The following GABBR2 variants were observed in gnomAD, a reference collection of about 807,000 sequenced individuals.
GABBR2 encodes the protein G-protein coupled receptor 51.
A neutral mutation model predicts 105.6 loss-of-function variants in GABBR2; 23 were observed. That is an observed-to-expected ratio of 0.22 (90% CI 0.16 to 0.31). GABBR2 has a LOEUF of 0.31. GABBR2 is among the 10% of genes least tolerant of loss of function. The pLI is 1.00. For synonymous variants in GABBR2, 478 were observed against 499.7 expected (o/e 0.96, Z 0.58); for missense variants, 734 against 1,245.5 (o/e 0.59, Z 6.18).
intron 2 of GABBR2, among the ~76,000 whole-genome samples, chr9:98,565,507 C>T (rs990361437): frequency 1.9e-4 from 29 of 152,190 alleles, no homozygotes; most frequent in African/African-American, 6.3e-4. Context: ...ACCCACTCCT[C>T]TTACACAGGG....
chr9:98,530,511 C>T (rs1296654261), intron 3 of GABBR2, among the ~76,000 whole-genome samples: 1 of 152,220 alleles, frequency 6.6e-6, no homozygotes, highest in African/African-American at 2.4e-5. Context: ...GGTGCTGTGG[C>T]TCACACCTGT....
At chr9:98,340,581 T>G (rs1831194874) in intron 13 of GABBR2, among the ~76,000 whole-genome samples, 1 of 152,176 alleles carries the variant, frequency 6.6e-6, no homozygotes, top group South Asian at 2.1e-4. Flanking sequence ...GTTTCTCTGA[T>G]AGCATCAACC....
chr9:98,422,336 G>A (rs1297822046), intron 7 of GABBR2, among the ~76,000 whole-genome samples: 1 of 152,206 alleles, frequency 6.6e-6, no homozygotes, highest in East Asian at 1.9e-4. Flanking sequence ...GGGGCCTCAG[G>A]CACTTCTGGT....
intron 8 of GABBR2, among the ~76,000 whole-genome samples, chr9:98,396,846 T>C (rs1832301015): frequency 6.6e-6 from 1 of 152,078 alleles, no homozygotes. Context: ...GTATGCACCG[T>C]CCCATGGCAC....
intron 1 of GABBR2, among the ~76,000 whole-genome samples, chr9:98,697,276 G>T (rs1389684873): frequency 6.6e-6 from 1 of 152,174 alleles, no homozygotes; most frequent in Non-Finnish European, 1.5e-5. Context: ...CAGATCACGA[G>T]GTCAGGAGAT....
At chr9:98,379,674 CATAATG>C (rs1473753889) in intron 11 of GABBR2, among the ~76,000 whole-genome samples, 1 of 152,204 alleles carries the variant, frequency 6.6e-6, no homozygotes, top group Non-Finnish European at 1.5e-5. Flanking sequence ...TTCGTTCATA[CATAATG>C]ATAACAGCTA....
chr9:98,622,364 C>G (rs1829681120), intron 1 of GABBR2, among the ~76,000 whole-genome samples: 1 of 152,080 alleles, frequency 6.6e-6, no homozygotes, highest in Non-Finnish European at 1.5e-5. Context: ...TGGGGCGTCA[C>G]CATGTTGCCC....
At chr9:98,303,184 G>T (rs868179369) in intron 16 of GABBR2, 57 bp downstream of exon 16, 4 of 1,435,292 alleles carry the variant, frequency 2.8e-6, no homozygotes, top group Non-Finnish European at 9.7e-7. Context: ...CCCCGCACAG[G>T]GTTAGAGGGG....
intron 7 of GABBR2, among the ~76,000 whole-genome samples, chr9:98,415,428 G>A (rs1310834147): frequency 1.3e-5 from 2 of 151,974 alleles, no homozygotes; most frequent in Non-Finnish European, 2.9e-5. Context: ...TGTTTTGTCT[G>A]TGCAAACGTA....
intron 4 of GABBR2, 149 bp from the exon 5 acceptor site, chr9:98,481,146 A>G (rs112816481): frequency 1.6e-6 from 1 of 639,812 alleles, no homozygotes; most frequent in East Asian, 2.8e-5. Flanking sequence ...CTCACCCCCA[A>G]CCCCAGCCCA....
At chr9:98,394,813 C>A (rs935879694) in intron 8 of GABBR2, among the ~76,000 whole-genome samples, 1 of 145,876 alleles carries the variant, frequency 6.9e-6, no homozygotes, top group Non-Finnish European at 1.5e-5. Context: ...CAAGGACTGA[C>A]CAGTGCACTT....
chr9:98,492,922 C>T (rs1459533662), intron 4 of GABBR2, among the ~76,000 whole-genome samples: 1 of 152,114 alleles, frequency 6.6e-6, no homozygotes, highest in African/African-American at 2.4e-5. Flanking sequence ...TCTTTTTTAT[C>T]CCCCCTTCTC....
intron 3 of GABBR2, among the ~76,000 whole-genome samples, chr9:98,524,115 A>G (rs537694164): frequency 6.6e-6 from 1 of 152,358 alleles, no homozygotes; most frequent in Non-Finnish European, 1.5e-5. Context: ...TTTAAGGAGT[A>G]TAAAGCCAAA....
chr9:98,318,965 C>A (rs1300000128), intron 13 of GABBR2, among the ~76,000 whole-genome samples: 1 of 150,990 alleles, frequency 6.6e-6, no homozygotes, highest in Non-Finnish European at 1.5e-5. Context: ...GTGTGTTTGG[C>A]CTTCCCAGAC....
chr9:98,472,462 TCAAGGTG>T (rs1227093259), intron 6 of GABBR2, among the ~76,000 whole-genome samples: 3 of 152,168 alleles, frequency 2.0e-5, no homozygotes, highest in Non-Finnish European at 2.9e-5. Context: ...CGTGACAGCA[TCAAGGTG>T]CCAGACACCA....
rs986453847 is a variant in GABBR2, at chr9:98,683,669, G to GA, written c.321+24747dup. 3.4e-3 allele frequency among the ~76,000 whole-genome samples: 507 copies of GA among 147,946 alleles called. 4 individuals are homozygous for GA. Among genetic ancestry groups the GA allele is most frequent in the African/African-American group, 0.012 (469 of 40,468 alleles). ...GAATGCGGCACCCTTGTTTAGAAGA[G>GA]AAAAAAAAAACCAACAACTAGAAAC... On this transcript the variant is annotated intron_variant, in intron 1 of 18. Transcript: ENST00000259455.
At chr9:98,624,776 C>T (rs1208810446) in intron 1 of GABBR2, among the ~76,000 whole-genome samples, 1 of 152,176 alleles carries the variant, frequency 6.6e-6, no homozygotes, top group African/African-American at 2.4e-5. Context: ...CTGGCAAATG[C>T]ACTGAGAATC....
At chr9:98,302,957 A>G (rs113646729) in intron 16 of GABBR2, 72 of 421,606 alleles carry the variant, frequency 1.7e-4, no homozygotes, top group African/African-American at 1.3e-3. Flanking sequence ...ATAATCCAGA[A>G]GCTCACAAAT....
chr9:98,569,596 A>C (rs1038764741), intron 2 of GABBR2, among the ~76,000 whole-genome samples: 4 of 152,230 alleles, frequency 2.6e-5, no homozygotes, highest in African/African-American at 9.6e-5. Flanking sequence ...ACATAACAGG[A>C]AAGTGAGGCT....
Sources: allele counts gnomAD v4.1 joint callset (sites outside exome capture counted in the v4.1 genomes callset), GRCh38; gene constraint gnomAD v4.1.1; transcripts MANE v1.5; gene names NCBI Gene and HGNC (gene_info 2026-07-23, HGNC 2026-07-21).